Variants in NKX2-5 observed in about 807,000 individuals in gnomAD.
NKX2-5 encodes homeobox protein Nkx-2.5.
Under a neutral mutation model 24.5 loss-of-function variants are expected in NKX2-5, and 3 were observed. The observed-to-expected ratio is 0.12, with a 90% CI of 0.06 to 0.32. The LOEUF (loss-of-function observed/expected upper bound fraction) is 0.32. NKX2-5 is among the 10% of genes least tolerant of loss of function. The pLI is 1.00. For missense variants in NKX2-5, 429 were observed against 452.4 expected (o/e 0.95, Z 0.47); for synonymous variants, 215 against 217.6 (o/e 0.99, Z 0.11).
Position 173,235,106 on chromosome 5 carries a change from C to T in NKX2-5, c.-23G>A. The T allele has an allele frequency of 6.3e-7, 1 of 1,586,740 alleles. No individual in the cohort carries two copies. Among genetic ancestry groups the T allele is most frequent in the East Asian group, 2.3e-5 (1 of 43,856 alleles). ...CATGGTGGCAGCGCCAGTCTCACAG[C>T]GCCAGGTGGGCGGCAGAAAGCGGCG... On this transcript the variant is annotated 5_prime_UTR_variant, in exon 1 of 2. Coordinates refer to ENST00000329198, the MANE Select transcript of NKX2-5 (RefSeq NM_004387.4).
Position 173,232,699 on chromosome 5 carries a change from T to A in NKX2-5, c.845A>T (p.Gln282Leu). Residue 282 changes from glutamine (Q) to leucine (L), a missense_variant, in exon 2 of 2, where the codon CAG (glutamine) becomes CTG (leucine). This residue lies in a region of NKX2-5 where 183 missense variants were observed against 185.9 expected (regional missense o/e 0.98). Coordinates refer to ENST00000329198, the MANE Select transcript of NKX2-5 (RefSeq NM_004387.4). The surrounding 1 kb of genome is among the most constrained non-coding windows in gnomAD (Gnocchi z 5.9). ...AAYPAGPSPA[Q>L]PATAAANNNF... ...GTTGTTGGCGGCGGCAGTGGCCGGCTGCGCTGGGGAAGGCCCGGCGGGGTA... is the reference window on the plus strand; with the variant it reads ...GTTGTTGGCGGCGGCAGTGGCCGGCAGCGCTGGGGAAGGCCCGGCGGGGTA... 6.2e-7 allele frequency: 1 copy of A among 1,610,450 alleles called. No homozygotes were observed. The highest frequency in any genetic ancestry group is 8.5e-7 in the Non-Finnish European group (1 of 1,178,022).
Position 173,234,821 on chromosome 5 carries a change from G to T in NKX2-5, c.263C>A (p.Ala88Asp). ...SPAKCASAFP[A>D]APAFYPRAYS... is the part of the protein sequence containing the mutation. ...GGCACGTGGATAGAAGGCGGGGGCGGCGGGAAAGGCAGACGCACACTTGGC... is the reference window on the plus strand; with the variant it reads ...GGCACGTGGATAGAAGGCGGGGGCGTCGGGAAAGGCAGACGCACACTTGGC... Residue 88 changes from alanine to aspartate, a missense_variant, in exon 1 of 2, where the codon GCC (alanine) becomes GAC (aspartate). Around this residue, in one of 3 missense-constraint regions of NKX2-5, gnomAD observed 240 missense variants for 240.4 expected, o/e 1.00. Coordinates refer to ENST00000329198, the MANE Select transcript of NKX2-5 (RefSeq NM_004387.4). 1 of 1,585,040 alleles carries T rather than the reference G, an allele frequency of 6.3e-7. No homozygotes were observed. The highest frequency in any genetic ancestry group is 1.8e-5 in the Admixed American group (1 of 55,732).
chr5:173,232,156 A>C lies in NKX2-5; in HGVS notation c.*413T>G. 4.9e-6 allele frequency: 1 copy of C among 204,674 alleles called. No homozygotes were observed. Among genetic ancestry groups the C allele is most frequent in the Non-Finnish European group, 9.9e-6 (1 of 100,788 alleles). The allele number at this position is 204,674 out of a possible 1,614,324, so 12.7% of individuals were successfully genotyped here. On this transcript the variant is annotated 3_prime_UTR_variant, in exon 2 of 2. Transcript: ENST00000329198. This position sits in a 1 kb window ranked among gnomAD's most constrained non-coding sequence, Gnocchi z 5.9. The stretch of plus-strand genomic sequence containing the variant: ...AAGGGGATCGTCATTTCTTACAGCA[A>C]TAGGTAAAAACATAAATACGGGTGG...
At chr5:173,233,237 C>A (rs777123005) in intron 1 of NKX2-5, 28 bp from the exon 2 acceptor site, 3 of 1,594,706 alleles carry the variant, frequency 1.9e-6, no homozygotes, top group Non-Finnish European at 2.5e-6. Flanking sequence ...GGCAGAGAGA[C>A]GCTTGGTAAG....
At position 173,235,165 on chromosome 5, in the gene NKX2-5, TGCC is replaced by T; in HGVS notation, c.-85_-83del. ...GGCCCCTGGCAGCTTCCCTGCATGGTGCCGCCGCCCGCCCGCGCACCCGTCGGC... is the reference window on the plus strand; with the variant it reads ...GGCCCCTGGCAGCTTCCCTGCATGGTGCCGCCCGCCCGCGCACCCGTCGGC... On this transcript the variant is annotated 5_prime_UTR_variant, in exon 1 of 2. Coordinates refer to ENST00000329198, the MANE Select transcript of NKX2-5 (RefSeq NM_004387.4). 1 of 1,393,678 alleles carries T rather than the reference TGCC, an allele frequency of 7.2e-7. No individual in the cohort carries two copies. The highest frequency in any genetic ancestry group is 9.7e-7 in the Non-Finnish European group (1 of 1,035,196). 86.3% of individuals were successfully genotyped at this position (1,393,678 alleles called of 1,614,324 possible).
At position 173,232,792 on chromosome 5, in the gene NKX2-5, T is replaced by C. The variant is rs1327849028; in HGVS notation, c.752A>G (p.Asn251Ser). Residue 251 changes from asparagine (N) to serine (S), a missense_variant, in exon 2 of 2, where the codon AAC (asparagine) becomes AGC (serine). Asn to Ser is a conservative substitution (Grantham distance 46). Coordinates refer to ENST00000329198, the MANE Select transcript of NKX2-5 (RefSeq NM_004387.4). The surrounding 1 kb of genome is among the most constrained non-coding windows in gnomAD (Gnocchi z 5.9). ...YGVGLNPYGY[N>S]AYPAYPGYGG... ...GTAACCCGGATAGGCGGGGTAGGCGTTATAACCGTAGGGATTGAGGCCCAC... is the reference window on the plus strand; with the variant it reads ...GTAACCCGGATAGGCGGGGTAGGCGCTATAACCGTAGGGATTGAGGCCCAC... The C allele has an allele frequency of 1.2e-6, 2 of 1,611,460 alleles. No homozygotes were observed. Among genetic ancestry groups the C allele is most frequent in the Admixed American group, 1.7e-5 (1 of 59,890 alleles).
In NKX2-5 at chr5:173,233,024, C is replaced by A. The variant is rs1238421153; in HGVS notation, c.520G>T (p.Val174Leu). The A allele has an allele frequency of 1.2e-6, 2 of 1,609,438 alleles. No homozygotes were observed. The highest frequency in any genetic ancestry group is 1.7e-5 in the Admixed American group (1 of 59,308). Reference sequence around the variant, plus strand: ...ACCTGCGTGGACGTGAGTTTCAGCACGCTGGCCAGCTGGTCGCGTTCGGGG... The same window carrying A: ...ACCTGCGTGGACGTGAGTTTCAGCAAGCTGGCCAGCTGGTCGCGTTCGGGG... ...SAPERDQLAS[V>L]LKLTSTQVKI... Residue 174 changes from valine (V) to leucine (L), a missense_variant, in exon 2 of 2, where the codon GTG becomes TTG. Coordinates refer to ENST00000329198, the MANE Select transcript of NKX2-5 (RefSeq NM_004387.4).
In NKX2-5 at chr5:173,235,161, A is replaced by C; in HGVS notation, c.-78T>G. 7.0e-7 allele frequency: 1 copy of C among 1,434,330 alleles called. No homozygotes were observed. Among genetic ancestry groups the C allele is most frequent in the Non-Finnish European group, 9.4e-7 (1 of 1,067,032 alleles). 88.9% of individuals were successfully genotyped at this position (1,434,330 alleles called of 1,614,324 possible). A position where few individuals can be genotyped will look rare whatever the true frequency, so the allele number is the denominator to read the frequency against. On this transcript the variant is annotated 5_prime_UTR_variant, in exon 1 of 2. The change abolishes an upstream ATG in the 5' untranslated region. Coordinates refer to ENST00000329198, the MANE Select transcript of NKX2-5 (RefSeq NM_004387.4). ...CCACGGCCCCTGGCAGCTTCCCTGC[A>C]TGGTGCCGCCGCCCGCCCGCGCACC...
chr5:173,232,436 G>T lies in NKX2-5; in HGVS notation c.*133C>A. ...AACAAACGCGCGTGGGACAGAAAAA[G>T]TTCCTAGGTCTCCGCAGGAGTGAAT... On this transcript the variant is annotated 3_prime_UTR_variant, in exon 2 of 2. Coordinates refer to ENST00000329198, the MANE Select transcript of NKX2-5 (RefSeq NM_004387.4). This position sits in a 1 kb window ranked among gnomAD's most constrained non-coding sequence, Gnocchi z 5.9. The T allele has an allele frequency of 2.0e-6, 3 of 1,484,296 alleles. No individual in the cohort carries two copies. The highest frequency in any genetic ancestry group is 5.0e-5 in the East Asian group (2 of 40,390). The allele number at this position is 1,484,296 out of a possible 1,614,324, so 91.9% of individuals were successfully genotyped here.
In NKX2-5 at chr5:173,232,918, G is replaced by A; in HGVS notation, c.626C>T (p.Pro209Leu). The stretch of plus-strand genomic sequence containing the variant: ...CCTGCGGGCAGGCGGCGGCGGCGGC[G>A]GGGGCAGCCCCACCAGCTCCAGAGT... The part of the protein sequence containing the change: ...DQTLELVGLP[P>L]PPPPPARRIA... The change falls in exon 2 of 2, where the codon CCG becomes CTG. Residue 209 changes from proline (P) to leucine (L), a missense_variant. Coordinates refer to ENST00000329198, the MANE Select transcript of NKX2-5 (RefSeq NM_004387.4). The surrounding 1 kb of genome is among the most constrained non-coding windows in gnomAD (Gnocchi z 5.9). 3 of 1,603,826 alleles carry A rather than the reference G, an allele frequency of 1.9e-6. No individual in the cohort carries two copies. Among genetic ancestry groups the A allele is most frequent in the Non-Finnish European group, 2.6e-6 (3 of 1,176,020 alleles).
chr5:173,234,495 G>C (rs954142493), intron 1 of NKX2-5, among the ~76,000 whole-genome samples: 5 of 152,212 alleles, frequency 3.3e-5, no homozygotes, highest in Non-Finnish European at 5.9e-5. Context: ...GAAGCCGCCC[G>C]GGGCTTTGTT....
intron 1 of NKX2-5, 140 bp downstream of exon 1, chr5:173,234,610 A>T: frequency 1.3e-6 from 1 of 744,566 alleles, no homozygotes; most frequent in Non-Finnish European, 2.0e-6. Flanking sequence ...TGGCGACAAC[A>T]CCAGGCATCT....
In NKX2-5 at chr5:173,232,208, G is replaced by A. The variant is rs1761326994; in HGVS notation, c.*361C>T. On this transcript the variant is annotated 3_prime_UTR_variant, in exon 2 of 2. Coordinates refer to ENST00000329198, the MANE Select transcript of NKX2-5 (RefSeq NM_004387.4). This position sits in a 1 kb window ranked among gnomAD's most constrained non-coding sequence, Gnocchi z 5.9. ...TGCGTGGGCGGGCGACGGCGAGATA[G>A]CAAAGGCCCGGGCGCCCGGCCCTGG... The A allele has an allele frequency of 3.4e-6, 1 of 296,116 alleles. No homozygotes were observed. The highest frequency in any genetic ancestry group is 6.4e-6 in the Non-Finnish European group (1 of 157,382). 18.3% of individuals were successfully genotyped at this position (296,116 alleles called of 1,614,324 possible).
Position 173,234,814 on chromosome 5 carries a change from G to A in NKX2-5, c.270C>T (p.Pro90=). ...AKCASAFPAA[P]AFYPRAYSDP... ...CGCTGTAGGCACGTGGATAGAAGGC[G>A]GGGGCGGCGGGAAAGGCAGACGCAC... Residue 90 remains proline (P), a synonymous_variant, in exon 1 of 2, where the codon CCC becomes CCT. Coordinates refer to ENST00000329198, the MANE Select transcript of NKX2-5 (RefSeq NM_004387.4). The A allele has an allele frequency of 2.5e-6, 4 of 1,584,434 alleles. No homozygotes were observed. Among genetic ancestry groups the A allele is most frequent in the Non-Finnish European group, 3.4e-6 (4 of 1,167,130 alleles).
chr5:173,233,592 G>C, intron 1 of NKX2-5: 1 of 720,580 alleles, frequency 1.4e-6, no homozygotes, highest in Non-Finnish European at 2.2e-6. Context: ...GGCTAGTTTG[G>C]TTTGAGAAGT....
At chr5:173,233,267 C>T in intron 1 of NKX2-5, 58 bp from the exon 2 acceptor site, 1 of 1,568,720 alleles carries the variant, frequency 6.4e-7, no homozygotes, top group Non-Finnish European at 8.6e-7. Context: ...ACCTACGGAG[C>T]GCGGCCGCAC....
At position 173,232,983 on chromosome 5, in the gene NKX2-5, C is replaced by T. The variant is rs767559311; in HGVS notation, c.561G>A (p.Gln187=). 3.0e-5 allele frequency: 49 copies of T among 1,611,440 alleles called. No homozygotes were observed. Among genetic ancestry groups the T allele is most frequent in the Non-Finnish European group, 3.9e-5 (46 of 1,179,202 alleles). ...GCCGCTTGCACTTGTAGCGCCGGTT[C>T]TGGAACCAGATCTTGACCTGCGTGG... ...LTSTQVKIWF[Q]NRRYKCKRQR... Residue 187 remains glutamine, a synonymous_variant, in exon 2 of 2, where the codon CAG becomes CAA. Coordinates refer to ENST00000329198, the MANE Select transcript of NKX2-5 (RefSeq NM_004387.4). This position sits in a 1 kb window ranked among gnomAD's most constrained non-coding sequence, Gnocchi z 5.9.
Position 173,233,131 on chromosome 5 carries a change from C to T in NKX2-5, c.413G>A (p.Arg138Gln), listed in dbSNP as rs1366528649. 1.9e-6 allele frequency: 3 copies of T among 1,601,320 alleles called. No homozygotes were observed. Among genetic ancestry groups the T allele is most frequent in the East Asian group, 2.3e-5 (1 of 44,354 alleles). The stretch of plus-strand genomic sequence containing the variant: ...CGAGAAGAGCACGCGCGGCTTCCTC[C>T]GCCGTCGCGCCCGGGGCCGCTCCGC... ...DNAERPRARR[R>Q]RKPRVLFSQA... Residue 138 changes from arginine (R) to glutamine (Q), a missense_variant, in exon 2 of 2, where the codon CGG becomes CAG. Physicochemically the swap from Arg to Gln is conservative, Grantham distance 43. Coordinates refer to ENST00000329198, the MANE Select transcript of NKX2-5 (RefSeq NM_004387.4).
intron 1 of NKX2-5, chr5:173,234,240 A>G: frequency 8.2e-7 from 1 of 1,216,098 alleles, no homozygotes; most frequent in African/African-American, 1.6e-5. Flanking sequence ...GCGCAAAGAA[A>G]GAAAGGCACC....
Sources: allele counts gnomAD v4.1 joint callset (sites outside exome capture counted in the v4.1 genomes callset), GRCh38; gene constraint gnomAD v4.1.1; regional missense constraint gnomAD v4.1.1; non-coding constraint Gnocchi (gnomAD v3.1); transcripts MANE v1.5; gene names NCBI Gene and HGNC (gene_info 2026-07-23, HGNC 2026-07-21).